Variants in SYN3 observed in about 807,000 individuals in gnomAD.
SYN3 encodes synapsin III.
A neutral mutation model predicts 65.8 loss-of-function variants in SYN3; 35 were observed. That is an observed-to-expected ratio of 0.53 (90% confidence interval 0.41 to 0.70). The LOEUF is 0.70. Ranked by LOEUF, SYN3 falls within the 30% of genes least tolerant of loss-of-function variation. The pLI is 0.00. For synonymous variants in SYN3, 270 were observed against 292.9 expected, an observed-to-expected ratio of 0.92 and a Z score of 0.80; for missense variants, 680 against 749.0, an observed-to-expected ratio of 0.91 and a Z score of 1.08.
At chr22:32,710,059 A>ATG (rs1271768047) in intron 6 of SYN3, among the ~76,000 whole-genome samples, 1 of 118,990 alleles carries the variant, frequency 8.4e-6, no homozygotes, top group Non-Finnish European at 1.7e-5. Flanking sequence ...GTCAAAGAAT[A>ATG]TGTATATATA....
chr22:32,509,903 A>G lies in SYN3; in HGVS notation c.*3789T>C, dbSNP rs1396869996. ...AATTATTTAAATGTGTTGGCTATAA[A>G]CTAGTGTTATGTCATGGATCTGGAT... On this transcript the variant is annotated 3_prime_UTR_variant, in exon 14 of 14. Coordinates refer to ENST00000358763, the MANE Select transcript of SYN3 (RefSeq NM_003490.4). Among the ~76,000 whole-genome samples, 1 of 152,058 alleles carries G rather than the reference A, an allele frequency of 6.6e-6. No individual in the cohort carries two copies. The highest frequency in any genetic ancestry group is 1.5e-5 in the Non-Finnish European group (1 of 68,016).
At chr22:32,738,964 TA>T (rs955048194) in intron 6 of SYN3, among the ~76,000 whole-genome samples, 1 of 152,234 alleles carries the variant, frequency 6.6e-6, no homozygotes, top group African/African-American at 2.4e-5. Flanking sequence ...TAACTTTTCT[TA>T]TGTAATAAAG....
chr22:33,022,151 C>T (rs892213326), intron 1 of SYN3, among the ~76,000 whole-genome samples: 13 of 152,200 alleles, frequency 8.5e-5, no homozygotes, highest in African/African-American at 2.7e-4. Context: ...ATTCTCCACT[C>T]GATGAGGGCT....
chr22:32,575,085 T>C (rs866451439), intron 7 of SYN3, among the ~76,000 whole-genome samples: 17 of 152,226 alleles, frequency 1.1e-4, no homozygotes, highest in African/African-American at 3.4e-4. Context: ...CTGAATTCTA[T>C]GGAGGGAATG....
intron 6 of SYN3, among the ~76,000 whole-genome samples, chr22:32,607,427 C>T (rs1266547943): frequency 1.3e-5 from 2 of 152,130 alleles, no homozygotes; most frequent in Non-Finnish European, 2.9e-5. Context: ...GCCCAGGTGC[C>T]CAAGATAGAG....
At chr22:32,729,836 T>C (rs2061246355) in intron 6 of SYN3, among the ~76,000 whole-genome samples, 1 of 152,190 alleles carries the variant, frequency 6.6e-6, no homozygotes, top group African/African-American at 2.4e-5. Flanking sequence ...GGGCAAATGA[T>C]GGTACCACTT....
At chr22:32,913,401 G>A (rs1433757682) in intron 4 of SYN3, among the ~76,000 whole-genome samples, 4 of 151,568 alleles carry the variant, frequency 2.6e-5, no homozygotes, top group African/African-American at 4.8e-5. Context: ...CTCGTGATCC[G>A]CCCACCTCGG....
At chr22:32,571,047 A>C (rs939677083) in intron 7 of SYN3, among the ~76,000 whole-genome samples, 8 of 152,162 alleles carry the variant, frequency 5.3e-5, no homozygotes, top group African/African-American at 1.9e-4. Context: ...TGTTTCTAAA[A>C]TGTTGGCTAA....
chr22:32,828,733 G>C (rs1229767160), intron 6 of SYN3, among the ~76,000 whole-genome samples: 1 of 152,212 alleles, frequency 6.6e-6, no homozygotes, highest in South Asian at 2.1e-4. Context: ...TTCTTGGCCG[G>C]TTCTGGGAGA....
chr22:32,663,155 T>C (rs1475729044), intron 6 of SYN3, among the ~76,000 whole-genome samples: 1 of 152,174 alleles, frequency 6.6e-6, no homozygotes, highest in African/African-American at 2.4e-5. Flanking sequence ...TGTAGCATGG[T>C]TGTGTAAGAG....
chr22:32,801,373 G>C lies in SYN3; in HGVS notation c.711+63542C>G, dbSNP rs2046569316. On this transcript the variant is annotated intron_variant, in intron 6 of 13. Coordinates refer to ENST00000358763, the MANE Select transcript of SYN3 (RefSeq NM_003490.4). The surrounding 1 kb of genome is among the most constrained non-coding windows in gnomAD (Gnocchi z 4.7). Reference sequence around the variant, plus strand: ...TTAGTTGGTTCTGGTTTGGGTCAGAGACACCCAGTGGCCCAGGTGGGCGTG... The same window carrying C: ...TTAGTTGGTTCTGGTTTGGGTCAGACACACCCAGTGGCCCAGGTGGGCGTG... Among the ~76,000 whole-genome samples, 1 of 152,234 alleles carries C rather than the reference G, an allele frequency of 6.6e-6. No homozygotes were observed. Among genetic ancestry groups the C allele is most frequent in the African/African-American group, 2.4e-5 (1 of 41,470 alleles).
intron 4 of SYN3, among the ~76,000 whole-genome samples, chr22:32,910,991 G>A (rs888057931): frequency 3.3e-5 from 5 of 152,202 alleles, no homozygotes; most frequent in African/African-American, 9.7e-5. Flanking sequence ...CAGCTTAACT[G>A]CATGGCTTGT....
At chr22:32,959,061 T>C (rs1282157387) in intron 3 of SYN3, among the ~76,000 whole-genome samples, 1 of 152,084 alleles carries the variant, frequency 6.6e-6, no homozygotes, top group East Asian at 1.9e-4. Flanking sequence ...GGTGTTGATA[T>C]GGGTTGGCTG....
At chr22:32,523,291 T>C (rs929457812) in intron 12 of SYN3, among the ~76,000 whole-genome samples, 3 of 152,106 alleles carry the variant, frequency 2.0e-5, no homozygotes, top group Non-Finnish European at 2.9e-5. Flanking sequence ...GGCAGGCGGA[T>C]CACAAGGTCA....
intron 6 of SYN3, among the ~76,000 whole-genome samples, chr22:32,678,656 TCTC>T (rs1257038767): frequency 6.7e-6 from 1 of 149,206 alleles, no homozygotes; most frequent in Non-Finnish European, 1.5e-5. Flanking sequence ...TCCTTCTCCA[TCTC>T]CTCTTCTTCC....
intron 6 of SYN3, among the ~76,000 whole-genome samples, chr22:32,621,816 T>C (rs781026365): frequency 1.5e-4 from 23 of 152,166 alleles, no homozygotes; most frequent in Non-Finnish European, 2.8e-4. Flanking sequence ...AGGGGAAAAC[T>C]GAGGCTCAGA....
chr22:32,607,879 G>T (rs1394501681), intron 6 of SYN3, among the ~76,000 whole-genome samples: 1 of 152,150 alleles, frequency 6.6e-6, no homozygotes, highest in African/African-American at 2.4e-5. Context: ...TGTGGCTCTG[G>T]GGAGGGTCTG....
intron 6 of SYN3, among the ~76,000 whole-genome samples, chr22:32,856,867 G>A (rs982365826): frequency 6.6e-5 from 10 of 152,126 alleles, no homozygotes; most frequent in African/African-American, 9.7e-5. Flanking sequence ...CCATCTTTAT[G>A]AGATTTACTT....
intron 10 of SYN3, among the ~76,000 whole-genome samples, chr22:32,532,000 T>C (rs2058081399): frequency 6.6e-6 from 1 of 152,258 alleles, no homozygotes; most frequent in Non-Finnish European, 1.5e-5. Context: ...ACAGATTTTT[T>C]TTTTTTTCCC....
Sources: gnomAD v4.1 joint callset for allele counts (sites outside exome capture counted in the v4.1 genomes callset) on GRCh38, gnomAD v4.1.1 for gene constraint, Gnocchi (gnomAD v3.1) non-coding constraint, MANE v1.5 for transcripts, NCBI Gene and HGNC (gene_info 2026-07-23, HGNC 2026-07-21) for gene names.